The following EMP2 variants were observed in gnomAD, a reference collection of about 807,000 sequenced individuals.
EMP2 encodes the protein epithelial membrane protein 2.
In EMP2, 19 loss-of-function variants were observed where a neutral mutation model predicts 13.7. The observed-to-expected ratio is 1.38, with a 90% confidence interval of 0.97 to 2.03. EMP2 has a LOEUF of 2.03. Among genes scored for constraint, EMP2 ranks in the 30% most tolerant of loss-of-function variants. The probability of loss-of-function intolerance (pLI) is 0.00; values close to 1 mark genes in which losing one functional copy is unlikely to be tolerated. For missense variants in EMP2, 253 were observed against 220.7 expected, an observed-to-expected ratio of 1.15 and a Z score of -0.93; for synonymous variants, 97 against 84.7, an observed-to-expected ratio of 1.15 and a Z score of -0.80.
rs572693509 is a variant in EMP2, at chr16:10,566,834, G to C, written c.-61+13715C>G. ...GACAGAAAGACATGGACCACAAGGT[G>C]GCGGCCCTCACAGAGAGCTAAAAAA... On this transcript the variant is annotated intron_variant, in intron 1 of 4. Transcript: ENST00000359543. Among the ~76,000 whole-genome samples, 4 of 152,248 alleles carry C rather than the reference G, an allele frequency of 2.6e-5. No individual in the cohort carries two copies. The South Asian group carries it at 8.3e-4, about 32-fold the overall frequency.
chr16:10,549,449 G>C (rs1048454347), intron 1 of EMP2, among the ~76,000 whole-genome samples: 1 of 152,136 alleles, frequency 6.6e-6, no homozygotes, highest in African/African-American at 2.4e-5. Flanking sequence ...TAAAATCTTT[G>C]AGTATTTTAT....
intron 1 of EMP2, among the ~76,000 whole-genome samples, chr16:10,554,035 CTT>C (rs34514394): frequency 8.0e-5 from 11 of 138,090 alleles, no homozygotes; most frequent in Admixed American, 1.4e-4. Context: ...TTCTTTCTTT[CTT>C]TTTTTTTTTT....
intron 1 of EMP2, among the ~76,000 whole-genome samples, chr16:10,548,353 T>G (rs2050755936): frequency 6.6e-6 from 1 of 152,066 alleles, no homozygotes; most frequent in Non-Finnish European, 1.5e-5. Flanking sequence ...AAAGCAAAAG[T>G]GATCACAATA....
intron 1 of EMP2, among the ~76,000 whole-genome samples, chr16:10,551,528 TC>T (rs1476861613): frequency 6.6e-6 from 1 of 152,152 alleles, no homozygotes. Context: ...TGCCTCAGCC[TC>T]CCCAGTAGCT....
At position 10,580,147 on chromosome 16, in the gene EMP2, C is replaced by G. The variant is rs2051017155; in HGVS notation, c.-61+402G>C. Among the ~76,000 whole-genome samples the G allele has an allele frequency of 6.6e-6, 1 of 152,172 alleles. No homozygotes were observed. Among genetic ancestry groups the G allele is most frequent in the South Asian group, 2.1e-4 (1 of 4,836 alleles). The stretch of plus-strand genomic sequence containing the variant: ...GCCCAGGAGGACCCGCTGGCCCGGC[C>G]TGGCGCACCAGTCCTGCCCGCGAGG... On this transcript the variant is annotated intron_variant, in intron 1 of 4. Coordinates refer to ENST00000359543, the MANE Select transcript of EMP2 (RefSeq NM_001424.6). The surrounding 1 kb of genome is among the most constrained non-coding windows in gnomAD (Gnocchi z 4.3).
chr16:10,549,729 T>TCACACACACACACA (rs71402494), intron 1 of EMP2, among the ~76,000 whole-genome samples: 17 of 149,558 alleles, frequency 1.1e-4, no homozygotes, highest in African/African-American at 3.9e-4. Context: ...ACACACACAC[T>TCACACACACACACA]CACACACACA....
intron 1 of EMP2, among the ~76,000 whole-genome samples, chr16:10,551,869 G>A (rs1414157119): frequency 6.6e-6 from 1 of 152,022 alleles, no homozygotes; most frequent in Admixed American, 6.6e-5. Flanking sequence ...ATGGATCAAG[G>A]CTCATGGGCT....
intron 1 of EMP2, among the ~76,000 whole-genome samples, chr16:10,564,244 A>G (rs1010806201): frequency 6.6e-6 from 1 of 152,164 alleles, no homozygotes; most frequent in Admixed American, 6.5e-5. Context: ...TAATCCCAAC[A>G]TTTTGGTAGG....
In EMP2 at chr16:10,533,126, A is replaced by G. The variant is rs1431393863; in HGVS notation, c.317-34T>C. ...AAGAAAGGTGAATTTTCAATAAATCATGGACCACAGTGCACCCTGGGTAGC... is the reference window on the plus strand; with the variant it reads ...AAGAAAGGTGAATTTTCAATAAATCGTGGACCACAGTGCACCCTGGGTAGC... On this transcript the variant is annotated intron_variant, in intron 4 of 4. Coordinates refer to ENST00000359543, the MANE Select transcript of EMP2 (RefSeq NM_001424.6). The G allele has an allele frequency of 2.6e-6, 4 of 1,514,910 alleles. No individual in the cohort carries two copies. The Admixed American group carries it at 5.7e-5, about 22-fold the overall frequency. The allele number at this position is 1,514,910 out of a possible 1,614,324, so 93.8% of individuals were successfully genotyped here. A position where few individuals can be genotyped will look rare whatever the true frequency, so the allele number is the denominator to read the frequency against.
At chr16:10,541,782 C>T (rs1026842888) in intron 3 of EMP2, among the ~76,000 whole-genome samples, 10 of 152,312 alleles carry the variant, frequency 6.6e-5, no homozygotes, top group South Asian at 2.1e-4. Flanking sequence ...CCATCATTCG[C>T]TCCTGGCTAT....
At chr16:10,549,187 C>T (rs2050762873) in intron 1 of EMP2, among the ~76,000 whole-genome samples, 1 of 152,160 alleles carries the variant, frequency 6.6e-6, no homozygotes, top group African/African-American at 2.4e-5. Context: ...CAGGGTAATG[C>T]TTTACTTTGG....
intron 4 of EMP2, among the ~76,000 whole-genome samples, chr16:10,536,996 G>C (rs1186791283): frequency 6.6e-6 from 1 of 152,154 alleles, no homozygotes; most frequent in Non-Finnish European, 1.5e-5. Context: ...GTCATCCTGA[G>C]GGCATGGCAG....
chr16:10,552,063 G>A (rs1411414407), intron 1 of EMP2, among the ~76,000 whole-genome samples: 1 of 151,562 alleles, frequency 6.6e-6, no homozygotes, highest in Admixed American at 6.6e-5. Context: ...CTTTGTTTAG[G>A]CCTGCGTCAT....
intron 4 of EMP2, among the ~76,000 whole-genome samples, chr16:10,533,334 A>T (rs1184335697): frequency 6.6e-6 from 1 of 152,202 alleles, no homozygotes; most frequent in Admixed American, 6.6e-5. Context: ...CACCGCGTGC[A>T]GCCTTAAGCT....
In EMP2 at chr16:10,540,507, A is replaced by AAAATAAATAAATAAATAAATAAAT. The variant is rs112860854; in HGVS notation, c.170-2434_170-2433insATTTATTTATTTATTTATTTATTT. 5.5e-3 allele frequency among the ~76,000 whole-genome samples: 807 copies of AAAATAAATAAATAAATAAATAAAT among 147,362 alleles called. 1 individual carries two copies. Among genetic ancestry groups the AAAATAAATAAATAAATAAATAAAT allele is most frequent in the South Asian group, 0.016 (74 of 4,522 alleles). On this transcript the variant is annotated intron_variant, in intron 3 of 4. Transcript: ENST00000359543. ...GGTGACAGAGCGAGACTCTGTCTCA[A>AAAATAAATAAATAAATAAATAAAT]AAATAAATAAATAAATAAACAAATA...
intron 1 of EMP2, among the ~76,000 whole-genome samples, chr16:10,550,836 G>A (rs981056919): frequency 6.6e-5 from 10 of 152,052 alleles, no homozygotes; most frequent in African/African-American, 1.9e-4. Context: ...TTAGCCGGGC[G>A]TGGTGGTGGG....
chr16:10,537,911 CCCGTTGATGTACTT>C lies in EMP2; in HGVS notation c.316+3_316+16del, dbSNP rs769736085. 4.3e-6 allele frequency: 7 copies of C among 1,610,260 alleles called. No homozygotes were observed. The Admixed American group carries it at 5.0e-5, about 12-fold the overall frequency. ...TCCAGAAAGCCCCTTGTTAGGGAAG[CCCGTTGATGTACTT>C]ACATGACATTAGCTGGATGATGGAG... On this transcript the variant is annotated splice_donor_5th_base_variant and intron_variant, in intron 4 of 4. Transcript: ENST00000359543.
intron 1 of EMP2, among the ~76,000 whole-genome samples, chr16:10,576,009 G>T (rs1020222111): frequency 8.6e-5 from 13 of 152,012 alleles, no homozygotes; most frequent in African/African-American, 2.7e-4. Flanking sequence ...CCAAAAGCAG[G>T]CACTCTAGTA....
chr16:10,570,526 T>C (rs1218617295), intron 1 of EMP2, among the ~76,000 whole-genome samples: 2 of 152,136 alleles, frequency 1.3e-5, no homozygotes, highest in East Asian at 1.9e-4. Flanking sequence ...GCCTCCCAAG[T>C]AGCTGGGACT....
Sources: allele counts gnomAD v4.1 joint callset (sites outside exome capture counted in the v4.1 genomes callset), GRCh38; gene constraint gnomAD v4.1.1; non-coding constraint Gnocchi (gnomAD v3.1); transcripts MANE v1.5; gene names NCBI Gene and HGNC (gene_info 2026-07-23, HGNC 2026-07-21).